Variants in MAML3 observed in about 807,000 individuals in gnomAD.
MAML3 encodes the protein mastermind-like protein 3.
A neutral mutation model predicts 101.9 loss-of-function variants in MAML3; 27 were observed. That is an observed-to-expected ratio of 0.27 (90% CI 0.20 to 0.37). MAML3 has a LOEUF of 0.37. Among genes scored for constraint, MAML3 ranks in the 10% least tolerant of loss-of-function variants. The probability of loss-of-function intolerance (pLI) is 1.00; values close to 1 mark genes in which losing one functional copy is unlikely to be tolerated. For missense variants in MAML3, 1,316 were observed against 1,444.9 expected (o/e 0.91, Z 1.45); for synonymous variants, 501 against 555.9 (o/e 0.90, Z 1.39).
At chr4:139,926,585 G>A (rs546640531) in intron 1 of MAML3, among the ~76,000 whole-genome samples, 110 of 152,336 alleles carry the variant, frequency 7.2e-4, no homozygotes, top group Middle Eastern at 3.4e-3. Flanking sequence ...GGGAGATAAA[G>A]CGAGACTCCG....
At chr4:140,106,528 C>T (rs58078731) in intron 1 of MAML3, among the ~76,000 whole-genome samples, 5,660 of 152,282 alleles carry the variant, frequency 0.037, 296 homozygotes, top group African/African-American at 0.12. Context: ...CCTTATGCAA[C>T]TGTGACCTTA....
Position 140,153,339 on chromosome 4 carries a change from G to C in MAML3, c.-12C>G, listed in dbSNP as rs770995583. 1 of 1,565,126 alleles carries C rather than the reference G, an allele frequency of 6.4e-7. No homozygotes were observed. The highest frequency in any genetic ancestry group is 1.9e-5 in the Admixed American group (1 of 52,578). On this transcript the variant is annotated 5_prime_UTR_variant, in exon 1 of 5. Coordinates refer to ENST00000509479, the MANE Select transcript of MAML3 (RefSeq NM_018717.5). ...GCGAAATCCCCCATCCTGCTCCCCG[G>C]GCACACTATTTTGGAAGAACTTTTT...
At chr4:139,738,073 C>T (rs1729014354) in intron 2 of MAML3, among the ~76,000 whole-genome samples, 1 of 147,796 alleles carries the variant, frequency 6.8e-6, no homozygotes. Context: ...GGGAACCCCA[C>T]AGGCCTGGGT....
chr4:139,781,943 C>G (rs1298785236), intron 2 of MAML3, among the ~76,000 whole-genome samples: 3 of 152,132 alleles, frequency 2.0e-5, no homozygotes, highest in African/African-American at 7.2e-5. Context: ...CAGTTTGGTC[C>G]AACAGAGGCT....
intron 2 of MAML3, among the ~76,000 whole-genome samples, chr4:139,865,502 T>TTTTG (rs1731880750): frequency 6.6e-6 from 1 of 151,000 alleles, no homozygotes; most frequent in African/African-American, 2.5e-5. Flanking sequence ...TTTTGTTTTT[T>TTTTG]TTTTTTTTCA....
intron 1 of MAML3, among the ~76,000 whole-genome samples, chr4:140,047,679 C>T (rs1479506742): frequency 6.6e-6 from 1 of 151,956 alleles, no homozygotes; most frequent in Non-Finnish European, 1.5e-5. Flanking sequence ...AACTTCTTTG[C>T]CCGCTCTTGG....
chr4:140,037,818 C>G (rs1727010592), intron 1 of MAML3, among the ~76,000 whole-genome samples: 1 of 152,230 alleles, frequency 6.6e-6, no homozygotes. Context: ...AAACTCTCAG[C>G]AGGCACCCTG....
intron 1 of MAML3, among the ~76,000 whole-genome samples, chr4:140,068,504 T>C (rs1485366072): frequency 2.0e-5 from 3 of 152,214 alleles, no homozygotes; most frequent in South Asian, 2.1e-4. Context: ...TTCTTAAATT[T>C]GCAAGAGAAT....
intron 1 of MAML3, among the ~76,000 whole-genome samples, chr4:139,944,230 C>CAT (rs1553965378): frequency 7.4e-4 from 112 of 152,038 alleles, no homozygotes; most frequent in Non-Finnish European, 1.3e-3. Context: ...GCACATTGTG[C>CAT]AGGTTAGTTA....
chr4:139,771,232 G>A (rs1729973243), intron 2 of MAML3, among the ~76,000 whole-genome samples: 1 of 152,236 alleles, frequency 6.6e-6, no homozygotes, highest in African/African-American at 2.4e-5. Flanking sequence ...GGCAGCCATT[G>A]TATAGACTGT....
intron 1 of MAML3, among the ~76,000 whole-genome samples, chr4:139,970,214 G>C (rs962222812): frequency 3.9e-5 from 6 of 152,196 alleles, no homozygotes; most frequent in Non-Finnish European, 1.5e-5. Flanking sequence ...GAACTGAGAG[G>C]ATTAGAGCAG....
chr4:139,875,224 G>A (rs952812582), intron 2 of MAML3, among the ~76,000 whole-genome samples: 1 of 151,180 alleles, frequency 6.6e-6, no homozygotes, highest in African/African-American at 2.4e-5. Flanking sequence ...CTTCAGAGCT[G>A]ACTCCCGACC....
rs1268375254 is a variant in MAML3 at position 139,889,571 on chromosome 4, T to G, written c.1865A>C (p.Asn622Thr). 1 of 1,613,806 alleles carries G rather than the reference T, an allele frequency of 6.2e-7. No homozygotes were observed. The highest frequency in any genetic ancestry group is 2.2e-5 in the East Asian group (1 of 44,848). The change falls in exon 2 of 5, where the codon AAC becomes ACC. Residue 622 changes from asparagine to threonine, a missense_variant. By Grantham distance (65) the Asn-to-Thr change is moderately conservative. Transcript: ENST00000509479. The part of the protein sequence containing the change: ...LSQRMTPPVA[N>T]PNKNPLMPYI... ...CGGCATCAAGGGGTTTTTGTTGGGG[T>G]TGGCCACTGGTGGTGTCATCCTCTG...
intron 1 of MAML3, among the ~76,000 whole-genome samples, chr4:140,021,909 C>T (rs755503030): frequency 7.2e-5 from 11 of 152,208 alleles, no homozygotes; most frequent in Non-Finnish European, 1.5e-4. Flanking sequence ...TTCTACGTGT[C>T]AGGTGCCTTA....
At chr4:139,814,008 T>C (rs1730850255) in intron 2 of MAML3, among the ~76,000 whole-genome samples, 1 of 106,110 alleles carries the variant, frequency 9.4e-6, no homozygotes, top group Admixed American at 1.1e-4. Context: ...TGCAGCTAGC[T>C]ACAGTACACA....
rs1408632342 is a variant in MAML3, at chr4:140,153,375, C to T, written c.-48G>A. ...TTGGAAGAACTTTTTTTATCCACCC[C>T]CCTATCAGCCTCCTCCTTGGGTCCA... On this transcript the variant is annotated 5_prime_UTR_variant, in exon 1 of 5. Transcript: ENST00000509479. 4.0e-6 allele frequency: 6 copies of T among 1,508,848 alleles called. No individual in the cohort carries two copies. In the African/African-American group the frequency reaches 4.2e-5, roughly 11 times the overall value. The allele number at this position is 1,508,848 out of a possible 1,614,324, so 93.5% of individuals were successfully genotyped here.
intron 2 of MAML3, among the ~76,000 whole-genome samples, chr4:139,880,932 G>A (rs1732206920): frequency 6.6e-6 from 1 of 152,164 alleles, no homozygotes. Context: ...ATGGGAGATG[G>A]CAATAGGAAT....
intron 1 of MAML3, among the ~76,000 whole-genome samples, chr4:139,916,666 C>T (rs1462112278): frequency 2.0e-5 from 3 of 152,228 alleles, no homozygotes; most frequent in South Asian, 2.1e-4. Flanking sequence ...AATTTGCACT[C>T]GGCAGCCACT....
intron 2 of MAML3, among the ~76,000 whole-genome samples, chr4:139,757,701 CCT>C (rs1250449792): frequency 1.4e-4 from 21 of 151,814 alleles, no homozygotes; most frequent in African/African-American, 4.8e-4. Context: ...TCATGACCCA[CCT>C]CTCCAGCCTC....
Sources: gnomAD v4.1 joint callset for allele counts (sites outside exome capture counted in the v4.1 genomes callset) on GRCh38, gnomAD v4.1.1 for gene constraint, MANE v1.5 for transcripts, NCBI Gene and HGNC (gene_info 2026-07-23, HGNC 2026-07-21) for gene names.